The following INPP4A variants were observed in gnomAD, a reference collection of about 807,000 sequenced individuals.
INPP4A encodes inositol polyphosphate-4-phosphatase type I A.
INPP4A carries 33 observed loss-of-function variants against 119.8 expected under a neutral mutation model. The ratio of observed to expected loss-of-function variants is 0.28; its 90% CI spans 0.21 to 0.37. The LOEUF is 0.37. INPP4A is among the 10% of genes least tolerant of loss of function. The pLI, the probability that INPP4A is intolerant of heterozygous loss-of-function variation, is 1.00. For missense variants in INPP4A, 956 were observed against 1,289.9 expected (o/e 0.74, Z 3.97); for synonymous variants, 496 against 500.7 (o/e 0.99, Z 0.12).
Position 98,559,624 on chromosome 2 carries a change from G to A in INPP4A, c.1855+129G>A, listed in dbSNP as rs1299638278. On this transcript the variant is annotated intron_variant, in intron 17 of 24. Coordinates refer to ENST00000409851, the MANE Select transcript of INPP4A (RefSeq NM_001134225.2). Reference sequence around the variant, plus strand: ...GGGAAAGTATTCCAGGACCTCCTTCGTTGTGAGGCATAAAACACTTTTCGC... The same window carrying A: ...GGGAAAGTATTCCAGGACCTCCTTCATTGTGAGGCATAAAACACTTTTCGC... 113 of 976,046 alleles carry A rather than the reference G, an allele frequency of 1.2e-4. No homozygotes were observed. The South Asian group carries it at 1.2e-3, about 11-fold the overall frequency. 60.5% of individuals were successfully genotyped at this position (976,046 alleles called of 1,614,324 possible). A position where few individuals can be genotyped will look rare whatever the true frequency, so the allele number is the denominator to read the frequency against.
In INPP4A at chr2:98,462,372, C is replaced by T. The variant is rs189463396; in HGVS notation, c.-166+17287C>T. 6.8e-4 allele frequency among the ~76,000 whole-genome samples: 103 copies of T among 152,176 alleles called. 2 individuals carry two copies. In the East Asian group the frequency reaches 0.01, roughly 15 times the overall value. On this transcript the variant is annotated intron_variant, in intron 1 of 24. Coordinates refer to ENST00000409851, the MANE Select transcript of INPP4A (RefSeq NM_001134225.2). Reference sequence around the variant, plus strand: ...CTGAGATAGGAGAATCGCTTGAACCCGGGAGGCAGAGGTTGCAGTGAGCCG... The same window carrying T: ...CTGAGATAGGAGAATCGCTTGAACCTGGGAGGCAGAGGTTGCAGTGAGCCG...
chr2:98,561,943 T>C (rs1020123086), intron 17 of INPP4A, among the ~76,000 whole-genome samples: 3 of 152,208 alleles, frequency 2.0e-5, no homozygotes, highest in Non-Finnish European at 4.4e-5. Flanking sequence ...AACAAAAACA[T>C]GGTCTCTGAG....
intron 1 of INPP4A, among the ~76,000 whole-genome samples, chr2:98,505,897 T>C (rs1683951667): frequency 6.6e-6 from 1 of 152,272 alleles, no homozygotes; most frequent in Non-Finnish European, 1.5e-5. Flanking sequence ...TTTGTCTGTT[T>C]ATCCTGTTCA....
At chr2:98,578,682 G>A (rs533137627) in intron 24 of INPP4A, among the ~76,000 whole-genome samples, 1 of 152,228 alleles carries the variant, frequency 6.6e-6, no homozygotes, top group Non-Finnish European at 1.5e-5. Context: ...AGCCGTTACA[G>A]TTACAGCTGT....
At chr2:98,576,215 T>G (rs1377981067) in intron 23 of INPP4A, among the ~76,000 whole-genome samples, 1 of 152,224 alleles carries the variant, frequency 6.6e-6, no homozygotes, top group African/African-American at 2.4e-5. Context: ...CAGAGCTTGA[T>G]GGATTTGGTG....
intron 4 of INPP4A, chr2:98,521,700 G>A (rs1687228647): frequency 6.6e-6 from 1 of 152,302 alleles, no homozygotes; most frequent in Non-Finnish European, 1.5e-5. Flanking sequence ...GAGAGGCTAA[G>A]CCAGGAGGAT....
At chr2:98,550,707 A>G (rs1693351987) in intron 13 of INPP4A, among the ~76,000 whole-genome samples, 1 of 151,894 alleles carries the variant, frequency 6.6e-6, no homozygotes, top group South Asian at 2.1e-4. Context: ...CCTAAACAGC[A>G]CCTCTTTGAA....
At position 98,566,137 on chromosome 2, in the gene INPP4A, G is replaced by T; in HGVS notation, c.2388G>T (p.Val796=). The change falls in exon 21 of 25, where the codon GTG becomes GTT. Residue 796 remains valine, a synonymous_variant. Transcript: ENST00000409851. The surrounding 1 kb of genome is among the most constrained non-coding windows in gnomAD (Gnocchi z 4.2). ...LLRVQPVLFN[V]GINEQQTLAE... ...GAGTGCAGCCCGTCCTCTTCAACGT[G>T]GGCATCAATGAGCAGCAGACACTGG... The T allele has an allele frequency of 6.3e-7, 1 of 1,597,882 alleles. No homozygotes were observed. Among genetic ancestry groups the T allele is most frequent in the East Asian group, 2.3e-5 (1 of 44,186 alleles).
intron 4 of INPP4A, among the ~76,000 whole-genome samples, 187 bp from the exon 5 acceptor site, chr2:98,533,190 G>A (rs994138692): frequency 4.6e-5 from 7 of 152,234 alleles, no homozygotes; most frequent in African/African-American, 1.7e-4. Context: ...AGGGTGGCGG[G>A]GAGGGGGCGT....
At chr2:98,478,287 G>C (rs771852794) in intron 1 of INPP4A, among the ~76,000 whole-genome samples, 1 of 152,146 alleles carries the variant, frequency 6.6e-6, no homozygotes, top group Non-Finnish European at 1.5e-5. Context: ...TGGAGGCCTC[G>C]TCATGACTGA....
chr2:98,444,952 G>C lies in INPP4A; in HGVS notation c.-299G>C, dbSNP rs1693901847. 2 of 150,938 alleles carry C rather than the reference G, an allele frequency of 1.3e-5. No homozygotes were observed. The highest frequency in any genetic ancestry group is 1.3e-4 in the Admixed American group (2 of 15,154). 9.3% of individuals were successfully genotyped at this position (150,938 alleles called of 1,614,324 possible). ...TCGGGCTCCGTGGGCCGGGGCAGGA[G>C]GACCAGCACCTGAGGCCGGGCCCGC... On this transcript the variant is annotated 5_prime_UTR_variant, in exon 1 of 25. Coordinates refer to ENST00000409851, the MANE Select transcript of INPP4A (RefSeq NM_001134225.2).
intron 1 of INPP4A, among the ~76,000 whole-genome samples, chr2:98,453,103 G>T (rs780438106): frequency 1.3e-5 from 2 of 152,112 alleles, no homozygotes; most frequent in South Asian, 2.1e-4. Flanking sequence ...CCACCTCCAC[G>T]GTGTAATTTG....
chr2:98,592,183 T>TC lies in INPP4A; in HGVS notation c.*4579dup, dbSNP rs1700433282. ...AAACTCTCTTCTTCTTATCACTTTC[T>TC]CCCCAAAATGTCCTCTTCTACCAGC... On this transcript the variant is annotated 3_prime_UTR_variant, in exon 25 of 25. Transcript: ENST00000409851. 6.6e-6 allele frequency: 1 copy of TC among 152,278 alleles called. No individual in the cohort carries two copies. Among genetic ancestry groups the TC allele is most frequent in the African/African-American group, 2.4e-5 (1 of 41,440 alleles). The allele number at this position is 152,278 out of a possible 1,614,324, so 9.4% of individuals were successfully genotyped here. A position where few individuals can be genotyped will look rare whatever the true frequency, so the allele number is the denominator to read the frequency against.
At chr2:98,494,637 A>T (rs1681553625) in intron 1 of INPP4A, among the ~76,000 whole-genome samples, 3 of 151,272 alleles carry the variant, frequency 2.0e-5, no homozygotes. Flanking sequence ...AAAAAAAAAA[A>T]TGGAGAGTTT....
In INPP4A at chr2:98,519,936, C is replaced by A; in HGVS notation, c.-103-10C>A. 1.3e-6 allele frequency: 1 copy of A among 785,426 alleles called. No homozygotes were observed. Among genetic ancestry groups the A allele is most frequent in the Non-Finnish European group, 2.2e-6 (1 of 455,684 alleles). The allele number at this position is 785,426 out of a possible 1,614,324, so 48.7% of individuals were successfully genotyped here. A position where few individuals can be genotyped will look rare whatever the true frequency, so the allele number is the denominator to read the frequency against. ...TCCCCATGGTTTCTTACAAGTGCTC[C>A]TTTTCTCAGGGCTACTGCCACTTTA... On this transcript the variant is annotated splice_polypyrimidine_tract_variant and intron_variant, in intron 2 of 24. Transcript: ENST00000409851.
chr2:98,509,307 G>A (rs959238521), intron 1 of INPP4A, among the ~76,000 whole-genome samples: 1 of 152,222 alleles, frequency 6.6e-6, no homozygotes, highest in East Asian at 1.9e-4. Flanking sequence ...TACTGCCTGA[G>A]CTCCACTTCT....
At position 98,569,056 on chromosome 2, in the gene INPP4A, CG is replaced by C. The variant is rs1442552199; in HGVS notation, c.2518+392del. 1 of 170,602 alleles carries C rather than the reference CG, an allele frequency of 5.9e-6. No individual in the cohort carries two copies. Among genetic ancestry groups the C allele is most frequent in the Non-Finnish European group, 1.3e-5 (1 of 79,132 alleles). The allele number at this position is 170,602 out of a possible 1,614,324, so 10.6% of individuals were successfully genotyped here. A position where few individuals can be genotyped will look rare whatever the true frequency, so the allele number is the denominator to read the frequency against. On this transcript the variant is annotated intron_variant, in intron 22 of 24. Coordinates refer to ENST00000409851, the MANE Select transcript of INPP4A (RefSeq NM_001134225.2). The surrounding 1 kb of genome is among the most constrained non-coding windows in gnomAD (Gnocchi z 5.1). ...TTTGTGGTGCTTAGAGAGGAAGATG[CG>C]GGGCCAACATTGCTGGGTGTTTGGG...
rs551879374 is a variant in INPP4A, at chr2:98,588,475, T to C, written c.*867T>C. On this transcript the variant is annotated 3_prime_UTR_variant, in exon 25 of 25. Transcript: ENST00000409851. ...GGGGAATTTATGACCATAGAGATAG[T>C]AGAAACCTAAATATTTTCAGAAAAA... 2 of 210,230 alleles carry C rather than the reference T, an allele frequency of 9.5e-6. No homozygotes were observed. Among genetic ancestry groups the C allele is most frequent in the Non-Finnish European group, 1.9e-5 (2 of 103,784 alleles). 13.0% of individuals were successfully genotyped at this position (210,230 alleles called of 1,614,324 possible). A position where few individuals can be genotyped will look rare whatever the true frequency, so the allele number is the denominator to read the frequency against.
intron 24 of INPP4A, among the ~76,000 whole-genome samples, chr2:98,586,954 C>T (rs1449460897): frequency 6.6e-6 from 1 of 152,210 alleles, no homozygotes; most frequent in Middle Eastern, 3.2e-3. Flanking sequence ...AGACAGCAGA[C>T]CAGAACGCCT....
Sources: allele counts gnomAD v4.1 joint callset (sites outside exome capture counted in the v4.1 genomes callset), GRCh38; gene constraint gnomAD v4.1.1; non-coding constraint Gnocchi (gnomAD v3.1); transcripts MANE v1.5; gene names NCBI Gene and HGNC (gene_info 2026-07-23, HGNC 2026-07-21).